CDH19: variants seen among roughly 807,000 people sequenced by gnomAD.
CDH19 encodes the protein cadherin-19.
A neutral mutation model predicts 64.2 loss-of-function variants in CDH19; 67 were observed. The observed-to-expected ratio is 1.04, with a 90% CI of 0.86 to 1.28. The LOEUF is 1.28. Ranked by LOEUF, CDH19 falls within the 50% of genes most tolerant of loss-of-function variation. The pLI is 0.00. For synonymous variants in CDH19, 346 were observed against 319.3 expected (o/e 1.08, Z -0.89); for missense variants, 1,030 against 929.0 (o/e 1.11, Z -1.41).
chr18:66,589,700 T>C (rs566298916), intron 1 of CDH19, among the ~76,000 whole-genome samples: 10 of 103,180 alleles, frequency 9.7e-5, no homozygotes, highest in African/African-American at 3.4e-4. Context: ...TAAACATGAT[T>C]TTATAAAACA....
intron 9 of CDH19, among the ~76,000 whole-genome samples, chr18:66,521,850 G>A (rs144648595): frequency 2.0e-5 from 3 of 151,592 alleles, no homozygotes; most frequent in Admixed American, 1.3e-4. Context: ...CCCCCTGCCT[G>A]CCTTTATTTT....
chr18:66,595,503 G>A (rs1200587690), intron 1 of CDH19, among the ~76,000 whole-genome samples: 6 of 127,526 alleles, frequency 4.7e-5, no homozygotes, highest in Non-Finnish European at 8.1e-5. Context: ...CATTACCACC[G>A]GCCCCACAGA....
Position 66,557,257 on chromosome 18 carries a change from C to G in CDH19, c.491-2733G>C, listed in dbSNP as rs1395112586. Among the ~76,000 whole-genome samples the G allele has an allele frequency of 3.3e-5, 5 of 152,060 alleles. No homozygotes were observed. In the East Asian group the frequency reaches 9.7e-4, roughly 30 times the overall value. ...GCCTGCTCAGTAACCTACTGTACAC[C>G]TGTTCTCTCAGGTCTCCTCTTGATC... On this transcript the variant is annotated intron_variant, in intron 3 of 11. Transcript: ENST00000262150.
At chr18:66,566,124 C>T (rs1432983353) in intron 3 of CDH19, among the ~76,000 whole-genome samples, 1 of 151,910 alleles carries the variant, frequency 6.6e-6, no homozygotes, top group African/African-American at 2.4e-5. Flanking sequence ...ATTGTACCTC[C>T]TCTTCTCTAA....
intron 1 of CDH19, among the ~76,000 whole-genome samples, chr18:66,573,726 G>A (rs1988179178): frequency 1.3e-5 from 2 of 151,418 alleles, no homozygotes; most frequent in South Asian, 4.1e-4. Context: ...TTATATTATG[G>A]TATTTTGATA....
At position 66,539,810 on chromosome 18, in the gene CDH19, T is replaced by C. The variant is rs377095996; in HGVS notation, c.1214+4161A>G. The stretch of plus-strand genomic sequence containing the variant: ...TTTATGAAGCTATTTAACTGACTTT[T>C]TGGTGGTATATATATGCTTGTGTGT... On this transcript the variant is annotated intron_variant, in intron 7 of 11. Coordinates refer to ENST00000262150, the MANE Select transcript of CDH19 (RefSeq NM_021153.4). Among the ~76,000 whole-genome samples, 3 of 152,136 alleles carry C rather than the reference T, an allele frequency of 2.0e-5. No individual in the cohort carries two copies. The East Asian group carries it at 5.8e-4, about 29-fold the overall frequency.
chr18:66,541,641 G>T (rs1203148628), intron 7 of CDH19, among the ~76,000 whole-genome samples: 1 of 152,056 alleles, frequency 6.6e-6, no homozygotes, highest in Non-Finnish European at 1.5e-5. Context: ...AAAAACTGCT[G>T]TATCCTCAGT....
chr18:66,566,613 C>A (rs1017906080), intron 3 of CDH19, among the ~76,000 whole-genome samples: 1 of 151,818 alleles, frequency 6.6e-6, no homozygotes, highest in African/African-American at 2.4e-5. Context: ...TTGTACTTAT[C>A]AAAAAACCAG....
intron 9 of CDH19, among the ~76,000 whole-genome samples, chr18:66,519,665 T>C (rs1985895493): frequency 6.6e-6 from 1 of 152,146 alleles, no homozygotes; most frequent in Non-Finnish European, 1.5e-5. Context: ...AAAACAAATG[T>C]TTATTGCAAT....
In CDH19 at chr18:66,572,197, C is replaced by G; in HGVS notation, c.8G>C (p.Cys3Ser). ...CAACATAAAACGCAGCAGTAAATAA[C>G]AGTTCATTGCGTTGACTCTTTTGAT... MN[C>S]YLLLRFMLGI... is the part of the protein sequence containing the mutation. The change falls in exon 2 of 12, where the codon TGT (cysteine) becomes TCT (serine). Residue 3 changes from cysteine to serine, a missense_variant. Coordinates refer to ENST00000262150, the MANE Select transcript of CDH19 (RefSeq NM_021153.4). 6.2e-7 allele frequency: 1 copy of G among 1,609,246 alleles called. No homozygotes were observed. The highest frequency in any genetic ancestry group is 8.5e-7 in the Non-Finnish European group (1 of 1,176,780).
At chr18:66,522,822 G>A (rs985898012) in intron 9 of CDH19, among the ~76,000 whole-genome samples, 2 of 151,500 alleles carry the variant, frequency 1.3e-5, no homozygotes, top group Non-Finnish European at 2.9e-5. Context: ...TTTCTATAGG[G>A]ATATCTGGAA....
chr18:66,582,932 G>A (rs1988467298), intron 1 of CDH19, among the ~76,000 whole-genome samples: 1 of 152,098 alleles, frequency 6.6e-6, no homozygotes, highest in Non-Finnish European at 1.5e-5. Flanking sequence ...AATGAAAAGA[G>A]ATAGATTCCA....
chr18:66,595,726 TACCAG>T (rs1988869127), intron 1 of CDH19, among the ~76,000 whole-genome samples: 1 of 152,074 alleles, frequency 6.6e-6, no homozygotes, highest in African/African-American at 2.4e-5. Flanking sequence ...AGCCAAATTA[TACCAG>T]ATACTATAAA....
At chr18:66,548,684 G>A (rs1447753043) in intron 5 of CDH19, among the ~76,000 whole-genome samples, 2 of 152,072 alleles carry the variant, frequency 1.3e-5, no homozygotes, top group African/African-American at 4.8e-5. Flanking sequence ...AGATCAGTTT[G>A]GTCAAGTAGT....
intron 5 of CDH19, among the ~76,000 whole-genome samples, chr18:66,549,435 T>C (rs1987257046): frequency 6.6e-6 from 1 of 152,116 alleles, no homozygotes. Context: ...TATAAAGTTC[T>C]GGGTATTTCA....
At chr18:66,514,367 A>T (rs1985637748) in intron 9 of CDH19, among the ~76,000 whole-genome samples, 1 of 151,578 alleles carries the variant, frequency 6.6e-6, no homozygotes, top group African/African-American at 2.4e-5. Context: ...ATAATTTTGT[A>T]GAATAAGGAC....
intron 9 of CDH19, among the ~76,000 whole-genome samples, chr18:66,524,295 G>A (rs1047660118): frequency 6.6e-6 from 1 of 151,842 alleles, no homozygotes; most frequent in African/African-American, 2.4e-5. Context: ...GAAGAAGCCT[G>A]GTCCTTTTTA....
intron 7 of CDH19, among the ~76,000 whole-genome samples, chr18:66,539,666 C>G (rs1986811725): frequency 6.6e-6 from 1 of 151,916 alleles, no homozygotes. Context: ...GCTCAAATTA[C>G]TATTATTGTA....
intron 11 of CDH19, among the ~76,000 whole-genome samples, chr18:66,508,135 A>G (rs956603589): frequency 6.6e-6 from 1 of 151,962 alleles, no homozygotes; most frequent in Non-Finnish European, 1.5e-5. Flanking sequence ...AAATGAAAGA[A>G]GCCAGCCACA....
Sources: gnomAD v4.1 joint callset for allele counts (sites outside exome capture counted in the v4.1 genomes callset) on GRCh38, gnomAD v4.1.1 for gene constraint, MANE v1.5 for transcripts, NCBI Gene and HGNC (gene_info 2026-07-23, HGNC 2026-07-21) for gene names.